Variants in KLRF1 observed in about 807,000 individuals in gnomAD.
KLRF1 encodes killer cell lectin-like receptor subfamily F member 1.
Under a neutral mutation model 30.7 loss-of-function variants are expected in KLRF1, and 27 were observed. That is an observed-to-expected ratio of 0.88 (90% CI 0.65 to 1.21). The LOEUF is 1.21. Among genes scored for constraint, KLRF1 ranks in the 50% most tolerant of loss-of-function variants. KLRF1 has a pLI of 0.00. For missense variants in KLRF1, 246 were observed against 259.3 expected, an observed-to-expected ratio of 0.95 and a Z score of 0.35; for synonymous variants, 92 against 89.3, an observed-to-expected ratio of 1.03 and a Z score of -0.17.
the KLRF1 span, among the ~76,000 whole-genome samples, chr12:9,808,394 A>G: frequency 0.084 from 12,820 of 152,130 alleles, 642 homozygotes; most frequent in East Asian, 0.2. Flanking sequence ...TTTTTTTCAG[A>G]ATAACAGTGA....
chr12:9,823,725 A>AT (rs1170724715), upstream of KLRF1, among the ~76,000 whole-genome samples: 1 of 150,870 alleles, frequency 6.6e-6, no homozygotes, highest in Non-Finnish European at 1.5e-5. Context: ...AAAAAAAAAA[A>AT]GTCTCTCATT....
chr12:9,827,679 T>G (rs776089110), intron 1 of KLRF1, 50 bp downstream of exon 1: 2 of 1,044,540 alleles, frequency 1.9e-6, no homozygotes, highest in Non-Finnish European at 3.0e-6. Context: ...AACATGGTAG[T>G]TTCCCGTATC....
chr12:9,832,452 A>C, intron 2 of KLRF1, 38 bp downstream of exon 2: 1 of 1,116,122 alleles, frequency 9.0e-7, no homozygotes, highest in Non-Finnish European at 1.4e-6. Flanking sequence ...AAAATATGAA[A>C]GATGTTTACT....
At chr12:9,806,209 A>C in the KLRF1 span, among the ~76,000 whole-genome samples, 2 of 151,988 alleles carry the variant, frequency 1.3e-5, no homozygotes, top group Non-Finnish European at 2.9e-5. Context: ...TTTGCATCCT[A>C]TAATTTTTAT....
At chr12:9,813,751 G>A in the KLRF1 span, among the ~76,000 whole-genome samples, 1 of 152,294 alleles carries the variant, frequency 6.6e-6, no homozygotes, top group East Asian at 1.9e-4. Flanking sequence ...TAGCTCAGCT[G>A]AAACTGTCTG....
At chr12:9,829,461 T>C (rs541094782) in intron 1 of KLRF1, among the ~76,000 whole-genome samples, 3 of 152,296 alleles carry the variant, frequency 2.0e-5, no homozygotes, top group East Asian at 1.9e-4. Context: ...GTCAAACTTA[T>C]ATAATGAGGG....
chr12:9,813,969 CA>C, the KLRF1 span, among the ~76,000 whole-genome samples: 1 of 152,194 alleles, frequency 6.6e-6, no homozygotes, highest in South Asian at 2.1e-4. Context: ...AGCCCAGCCC[CA>C]ACAAGACTTC....
chr12:9,803,189 T>C, the KLRF1 span, among the ~76,000 whole-genome samples: 1 of 152,158 alleles, frequency 6.6e-6, no homozygotes, highest in Admixed American at 6.5e-5. Context: ...TCGACAAACC[T>C]GACAAAAATA....
the KLRF1 span, among the ~76,000 whole-genome samples, chr12:9,816,123 ATCT>A: frequency 1.3e-5 from 2 of 152,014 alleles, no homozygotes; most frequent in African/African-American, 4.8e-5. Context: ...GGCCACAGCA[ATCT>A]TCTTCTCTGC....
the KLRF1 span, among the ~76,000 whole-genome samples, chr12:9,810,369 C>G: frequency 2.0e-5 from 3 of 152,164 alleles, no homozygotes; most frequent in Non-Finnish European, 4.4e-5. Context: ...TAGGGCTTAT[C>G]TTTTGTGTGT....
chr12:9,820,909 C>A, the KLRF1 span, among the ~76,000 whole-genome samples: 1 of 152,140 alleles, frequency 6.6e-6, no homozygotes, highest in Admixed American at 6.5e-5. Flanking sequence ...AACTTACACC[C>A]CCTAACTCTT....
At chr12:9,815,758 A>T in the KLRF1 span, among the ~76,000 whole-genome samples, 1 of 152,210 alleles carries the variant, frequency 6.6e-6, no homozygotes, top group African/African-American at 2.4e-5. Context: ...CACAATGTGT[A>T]AGAGCAACCC....
intron 5 of KLRF1, among the ~76,000 whole-genome samples, chr12:9,844,083 A>G (rs1018696221): frequency 1.3e-5 from 2 of 152,136 alleles, no homozygotes; most frequent in African/African-American, 2.4e-5. Context: ...TAGATATAAG[A>G]AGGCAAGAGA....
Position 9,833,338 on chromosome 12 carries a change from A to T in KLRF1, c.220A>T (p.Ser74Cys). Residue 74 changes from serine (S) to cysteine (C), a missense_variant, in exon 3 of 6, where the codon AGT becomes TGT. Coordinates refer to ENST00000617889, the MANE Select transcript of KLRF1 (RefSeq NM_016523.3). ...QGVLLKCQKG[S>C]CSNATQYEDT... ...AGTATTGCTAAAATGCCAAAAAGGA[A>T]GTTGTTCAAATGCCACTCAGTATGA... 6.2e-7 allele frequency: 1 copy of T among 1,605,596 alleles called. No individual in the cohort carries two copies. Among genetic ancestry groups the T allele is most frequent in the Non-Finnish European group, 8.5e-7 (1 of 1,176,704 alleles).
At chr12:9,808,344 C>G in the KLRF1 span, among the ~76,000 whole-genome samples, 1 of 152,074 alleles carries the variant, frequency 6.6e-6, no homozygotes, top group Non-Finnish European at 1.5e-5. Context: ...AAATCTCACT[C>G]CACTTGCTTC....
chr12:9,819,752 G>C, the KLRF1 span, among the ~76,000 whole-genome samples: 1 of 152,220 alleles, frequency 6.6e-6, no homozygotes, highest in South Asian at 2.1e-4. Flanking sequence ...CTAGGGACTG[G>C]AGTGGTCCCC....
At chr12:9,827,992 T>C (rs1182126890) in intron 1 of KLRF1, among the ~76,000 whole-genome samples, 2 of 152,208 alleles carry the variant, frequency 1.3e-5, no homozygotes, top group African/African-American at 2.4e-5. Context: ...TGAGGAAATA[T>C]GCATACTCAA....
chr12:9,809,006 T>G, the KLRF1 span, among the ~76,000 whole-genome samples: 1 of 152,194 alleles, frequency 6.6e-6, no homozygotes, highest in Non-Finnish European at 1.5e-5. Context: ...TATAAATGCT[T>G]AGGTTAATAT....
chr12:9,813,501 A>G, the KLRF1 span, among the ~76,000 whole-genome samples: 1 of 152,012 alleles, frequency 6.6e-6, no homozygotes, highest in Non-Finnish European at 1.5e-5. Flanking sequence ...ACAAATTTAC[A>G]AGGTCGCAAT....
Sources: gnomAD v4.1 joint callset for allele counts (sites outside exome capture counted in the v4.1 genomes callset) on GRCh38, gnomAD v4.1.1 for gene constraint, MANE v1.5 for transcripts, NCBI Gene and HGNC (gene_info 2026-07-23, HGNC 2026-07-21) for gene names.